Variants in JMJD1C observed in about 807,000 individuals in gnomAD.
JMJD1C encodes jumonji domain containing 1C, also known as jumonji domain-containing protein 1C.
In JMJD1C, 31 loss-of-function variants were observed where a neutral mutation model predicts 245.3. That is an observed-to-expected ratio of 0.13 (90% CI 0.09 to 0.17). JMJD1C has a LOEUF of 0.17. Among genes scored for constraint, JMJD1C ranks in the 10% least tolerant of loss-of-function variants. The probability of loss-of-function intolerance (pLI) is 1.00; values close to 1 mark genes in which losing one functional copy is unlikely to be tolerated. For synonymous variants in JMJD1C, 1,057 were observed against 1,017.4 expected, an observed-to-expected ratio of 1.04 and a Z score of -0.74; for missense variants, 2,691 against 3,000.2, an observed-to-expected ratio of 0.90 and a Z score of 2.41.
At chr10:63,271,726 T>C (rs1489369161) in intron 2 of JMJD1C, among the ~76,000 whole-genome samples, 1 of 152,178 alleles carries the variant, frequency 6.6e-6, no homozygotes, top group Non-Finnish European at 1.5e-5. Context: ...TAATTTTGTA[T>C]TCATACTGAT....
At chr10:63,406,036 T>C (rs1236226536) in intron 1 of JMJD1C, among the ~76,000 whole-genome samples, 1 of 152,174 alleles carries the variant, frequency 6.6e-6, no homozygotes, top group Non-Finnish European at 1.5e-5. Flanking sequence ...ATTGCCTGCA[T>C]AAATTCAGGA....
intron 1 of JMJD1C, among the ~76,000 whole-genome samples, chr10:63,440,353 A>AAAATATAT (rs1554937972): frequency 8.3e-6 from 1 of 120,248 alleles, no homozygotes; most frequent in African/African-American, 3.1e-5. Context: ...AAAAAAAAAA[A>AAAATATAT]ATATATATAT....
intron 10 of JMJD1C, chr10:63,204,240 G>A (rs1846347508): frequency 1.0e-6 from 1 of 984,726 alleles, no homozygotes; most frequent in Non-Finnish European, 1.2e-6. Context: ...TTTGGACTTG[G>A]TGAACAAATG....
At chr10:63,293,667 G>T (rs2133953550) in intron 2 of JMJD1C, among the ~76,000 whole-genome samples, 1 of 152,086 alleles carries the variant, frequency 6.6e-6, no homozygotes, top group East Asian at 1.9e-4. Context: ...CCCAATTATT[G>T]ATAAATTCAG....
chr10:63,207,387 T>G lies in JMJD1C; in HGVS notation c.4282A>C (p.Thr1428Pro), dbSNP rs1434964111. Residue 1428 changes from threonine (T) to proline (P), a missense_variant, in exon 10 of 26, where the codon ACA becomes CCA. By Grantham distance (38) the Thr-to-Pro change is conservative. This residue lies in a region of JMJD1C where 1,562 missense variants were observed against 1,490.7 expected (regional missense o/e 1.05). Transcript: ENST00000399262. ...TTTGAAGATACACATTCTGATGATG[T>G]AGAGGCCAAAATGGTATTTGATAAA... ...SSLSNTILAS[T>P]SSECVSSKSV... is the part of the protein sequence containing the mutation. 5.0e-6 allele frequency: 8 copies of G among 1,613,980 alleles called. No individual in the cohort carries two copies. Among genetic ancestry groups the G allele is most frequent in the Non-Finnish European group, 6.8e-6 (8 of 1,180,036 alleles).
intron 1 of JMJD1C, among the ~76,000 whole-genome samples, chr10:63,442,130 T>C (rs555893429): frequency 6.6e-6 from 1 of 152,310 alleles, no homozygotes; most frequent in East Asian, 1.9e-4. Context: ...CCAAAAATAC[T>C]GTCCAAAGAT....
chr10:63,458,731 AT>A (rs71463523), intron 1 of JMJD1C, among the ~76,000 whole-genome samples: 1 of 145,348 alleles, frequency 6.9e-6, no homozygotes, highest in African/African-American at 2.6e-5. Context: ...TTATTTATTT[AT>A]TTTTTTTTTG....
chr10:63,281,718 C>T (rs1857428203), intron 2 of JMJD1C, among the ~76,000 whole-genome samples: 1 of 151,934 alleles, frequency 6.6e-6, no homozygotes, highest in African/African-American at 2.4e-5. Flanking sequence ...GATCTACCAC[C>T]TCGGCCTTCC....
At chr10:63,521,615 G>A (rs1213496792) in intron 1 of JMJD1C, 3 of 1,370,746 alleles carry the variant, frequency 2.2e-6, no homozygotes, top group African/African-American at 3.0e-5. Context: ...CCGGCGCGAG[G>A]CCCAGGGGAG....
At chr10:63,263,096 G>A (rs1367462983) in intron 3 of JMJD1C, among the ~76,000 whole-genome samples, 2 of 152,014 alleles carry the variant, frequency 1.3e-5, no homozygotes, top group African/African-American at 4.8e-5. Flanking sequence ...GAAATGATAA[G>A]GTCTGTAGTA....
intron 1 of JMJD1C, among the ~76,000 whole-genome samples, chr10:63,508,925 C>A (rs939541598): frequency 6.6e-6 from 1 of 152,118 alleles, no homozygotes; most frequent in African/African-American, 2.4e-5. Context: ...CCTTTTATTT[C>A]CATTTTTTGT....
In JMJD1C at chr10:63,318,572, T is replaced by G. The variant is rs561487674; in HGVS notation, c.334-53808A>C. The stretch of plus-strand genomic sequence containing the variant: ...TTTGCTCCTTTAAATATTCTGTTAC[T>G]GGTCCAAAAATATACGAACTGATAA... On this transcript the variant is annotated intron_variant, in intron 2 of 25. Coordinates refer to ENST00000399262, the MANE Select transcript of JMJD1C (RefSeq NM_032776.3). 1.1e-4 allele frequency among the ~76,000 whole-genome samples: 17 copies of G among 152,312 alleles called. No homozygotes were observed. In the South Asian group the frequency reaches 3.5e-3, roughly 32 times the overall value.
At chr10:63,203,297 G>A in intron 10 of JMJD1C, 1 of 981,438 alleles carries the variant, frequency 1.0e-6, no homozygotes, top group Non-Finnish European at 1.2e-6. Context: ...AAACCTAGAA[G>A]TTTGAGATTA....
chr10:63,327,660 T>C (rs1000964576), intron 2 of JMJD1C, among the ~76,000 whole-genome samples: 1 of 140,520 alleles, frequency 7.1e-6, no homozygotes. Flanking sequence ...GTATCAAGGG[T>C]ACACAGAAAA....
chr10:63,367,294 G>C (rs1229284885), intron 2 of JMJD1C, among the ~76,000 whole-genome samples: 1 of 152,002 alleles, frequency 6.6e-6, no homozygotes, highest in Non-Finnish European at 1.5e-5. Context: ...TTATTGCCCA[G>C]GCTGGGGTGC....
intron 1 of JMJD1C, among the ~76,000 whole-genome samples, chr10:63,446,666 A>C (rs879330439): frequency 6.6e-6 from 1 of 152,232 alleles, no homozygotes; most frequent in African/African-American, 2.4e-5. Flanking sequence ...AAATAAACAA[A>C]GTACTTGAAG....
intron 2 of JMJD1C, among the ~76,000 whole-genome samples, chr10:63,374,149 G>C (rs569923078): frequency 2.0e-5 from 3 of 151,888 alleles, no homozygotes; most frequent in Non-Finnish European, 2.9e-5. Context: ...TGACAAAAAG[G>C]TTATAATATC....
chr10:63,202,651 T>G (rs1017418680), intron 10 of JMJD1C: 2 of 985,336 alleles, frequency 2.0e-6, no homozygotes, highest in Non-Finnish European at 2.4e-6. Flanking sequence ...CCATTTGGCT[T>G]AATCCACTAG....
chr10:63,243,364 C>T (rs575077957), intron 3 of JMJD1C, among the ~76,000 whole-genome samples: 3 of 151,456 alleles, frequency 2.0e-5, no homozygotes, highest in African/African-American at 7.3e-5. Context: ...CCATCTCTAC[C>T]AAAAATACAA....
Sources: allele counts gnomAD v4.1 joint callset (sites outside exome capture counted in the v4.1 genomes callset), GRCh38; gene constraint gnomAD v4.1.1; regional missense constraint gnomAD v4.1.1; transcripts MANE v1.5; gene names NCBI Gene and HGNC (gene_info 2026-07-23, HGNC 2026-07-21).